Variants in C6orf89 observed in about 807,000 individuals in gnomAD.
The protein encoded by C6orf89 is chromosome 6 open reading frame 89, also known as bombesin receptor-activated protein C6orf89.
Under a neutral mutation model 40.7 loss-of-function variants are expected in C6orf89, and 29 were observed. That is an observed-to-expected ratio of 0.71 (90% CI 0.53 to 0.97). The LOEUF (loss-of-function observed/expected upper bound fraction) is 0.97, where lower values mean the gene tolerates loss of function less well. Ranked by LOEUF, C6orf89 falls within the 50% of genes least tolerant of loss-of-function variation. The pLI is 0.00. For synonymous variants in C6orf89, 165 were observed against 152.2 expected, an observed-to-expected ratio of 1.08 and a Z score of -0.62; for missense variants, 392 against 429.1, an observed-to-expected ratio of 0.91 and a Z score of 0.76.
intron 4 of C6orf89, among the ~76,000 whole-genome samples, chr6:36,908,641 A>G (rs929390080): frequency 2.0e-5 from 3 of 152,186 alleles, no homozygotes; most frequent in South Asian, 2.1e-4. Flanking sequence ...TCTCATATAC[A>G]TATTTTTGGC....
chr6:36,922,038 G>T (rs1762528368), intron 8 of C6orf89, among the ~76,000 whole-genome samples: 1 of 151,790 alleles, frequency 6.6e-6, no homozygotes, highest in South Asian at 2.1e-4. Flanking sequence ...TAAAATCACT[G>T]AATTAAAAAT....
At chr6:36,899,314 G>A (rs1015003092) in intron 2 of C6orf89, 112 bp from the exon 3 acceptor site, 3 of 825,762 alleles carry the variant, frequency 3.6e-6, no homozygotes, top group African/African-American at 1.7e-5. Flanking sequence ...GTAGAGGATT[G>A]AGGAAAGCAC....
In C6orf89 at chr6:36,874,787, C is replaced by T. The variant is rs1423209223; in HGVS notation, c.-628+2820C>T. 4 of 1,613,800 alleles carry T rather than the reference C, an allele frequency of 2.5e-6. No individual in the cohort carries two copies. In the African/African-American group the frequency reaches 5.3e-5, roughly 22 times the overall value. On this transcript the variant is annotated intron_variant, in intron 1 of 9. Coordinates refer to the C6orf89 transcript ENST00000359359. ...ATTGCCGCCATAGCGAAGCCGGCGG[C>T]GGAATGCTTGTCTAGTAATTGCTAC...
chr6:36,919,810 C>A (rs527629675), intron 8 of C6orf89, 109 bp downstream of exon 8: 2 of 1,131,360 alleles, frequency 1.8e-6, no homozygotes, highest in South Asian at 3.9e-5. Context: ...TTAGTAGAAT[C>A]AAAAATAACA....
chr6:36,879,952 C>T (rs1170793148), intron 2 of C6orf89, among the ~76,000 whole-genome samples: 1 of 152,216 alleles, frequency 6.6e-6, no homozygotes, highest in East Asian at 1.9e-4. Context: ...CTGGGAAGGG[C>T]AGTAGACTGC....
At chr6:36,911,460 A>C (rs1354159288) in intron 4 of C6orf89, among the ~76,000 whole-genome samples, 2 of 152,152 alleles carry the variant, frequency 1.3e-5, no homozygotes, top group African/African-American at 4.8e-5. Context: ...ACTGCACTCC[A>C]GCCTGGGCGA....
chr6:36,927,248 A>G lies in C6orf89; in HGVS notation c.*3807A>G, dbSNP rs1762712302. The G allele has an allele frequency of 6.6e-6, 1 of 152,234 alleles. No individual in the cohort carries two copies. The highest frequency in any genetic ancestry group is 1.5e-5 in the Non-Finnish European group (1 of 68,042). The allele number at this position is 152,234 out of a possible 1,614,324, so 9.4% of individuals were successfully genotyped here. ...TCTACCAAAACCCAGCATAGGACTC[A>G]GTGTACACTTACTTTAAAACAAAAA... On this transcript the variant is annotated 3_prime_UTR_variant, in exon 9 of 9. Coordinates refer to ENST00000480824, the MANE Select transcript of C6orf89 (RefSeq NM_001286635.2).
intron 4 of C6orf89, among the ~76,000 whole-genome samples, chr6:36,907,225 T>C (rs1243039577): frequency 6.6e-6 from 1 of 152,268 alleles, no homozygotes; most frequent in Non-Finnish European, 1.5e-5. Flanking sequence ...TTCTTTTCTT[T>C]CTTCCCTATC....
chr6:36,910,087 C>A (rs1762072284), intron 4 of C6orf89, among the ~76,000 whole-genome samples: 1 of 151,590 alleles, frequency 6.6e-6, no homozygotes, highest in Non-Finnish European at 1.5e-5. Flanking sequence ...GGTGAGAACT[C>A]ATGAATATAT....
At position 36,894,979 on chromosome 6, in the gene C6orf89, G is replaced by C. The variant is rs776419947; in HGVS notation, c.-20+376G>C. Among the ~76,000 whole-genome samples, 50 of 152,066 alleles carry C rather than the reference G, an allele frequency of 3.3e-4. 1 individual carries two copies. The highest frequency in any genetic ancestry group is 5.0e-4 in the Non-Finnish European group (34 of 68,000). On this transcript the variant is annotated intron_variant, in intron 2 of 8. Coordinates refer to ENST00000480824, the MANE Select transcript of C6orf89 (RefSeq NM_001286635.2). ...TAATTTAACCGAAATCATCTCACTA[G>C]CAATTGGCAAAGCTTGTCTCCAGGT...
intron 1 of C6orf89, among the ~76,000 whole-genome samples, chr6:36,878,837 T>C (rs1387713960): frequency 6.6e-6 from 1 of 152,254 alleles, no homozygotes; most frequent in Non-Finnish European, 1.5e-5. Context: ...CCTCACTTCC[T>C]ATTGCTGTAC....
At chr6:36,896,767 C>T (rs138004184) in intron 2 of C6orf89, among the ~76,000 whole-genome samples, 1,659 of 152,112 alleles carry the variant, frequency 0.011, 26 homozygotes, top group African/African-American at 0.034. Flanking sequence ...GTGTTTTCTT[C>T]GAAGTTTTAT....
chr6:36,879,821 C>T (rs1190718984), intron 2 of C6orf89, among the ~76,000 whole-genome samples: 3 of 152,072 alleles, frequency 2.0e-5, no homozygotes, highest in Non-Finnish European at 4.4e-5. Flanking sequence ...GCAGTACTTT[C>T]TCTTGGTCTC....
chr6:36,922,882 C>G (rs967524110), intron 8 of C6orf89, among the ~76,000 whole-genome samples: 14 of 152,168 alleles, frequency 9.2e-5, no homozygotes, highest in African/African-American at 3.4e-4. Context: ...AGACTTGATG[C>G]CCAACAGCAG....
chr6:36,887,764 G>A (rs916483382), intron 1 of C6orf89, among the ~76,000 whole-genome samples: 6 of 152,132 alleles, frequency 3.9e-5, no homozygotes, highest in African/African-American at 1.4e-4. Flanking sequence ...CATCACCCAG[G>A]TTGGAGTACA....
At chr6:36,915,677 G>A (rs1184207035) in intron 6 of C6orf89, among the ~76,000 whole-genome samples, 1 of 151,560 alleles carries the variant, frequency 6.6e-6, no homozygotes, top group African/African-American at 2.4e-5. Flanking sequence ...CTGCACTCCA[G>A]CCTGGGCGAC....
chr6:36,903,239 G>T (rs1374092282), intron 4 of C6orf89, among the ~76,000 whole-genome samples: 1 of 152,002 alleles, frequency 6.6e-6, no homozygotes, highest in Non-Finnish European at 1.5e-5. Context: ...GTGTGTGTGT[G>T]TGTGTGTAAA....
intron 1 of C6orf89, among the ~76,000 whole-genome samples, chr6:36,886,488 T>A (rs1037918833): frequency 6.6e-6 from 1 of 152,208 alleles, no homozygotes; most frequent in Non-Finnish European, 1.5e-5. Flanking sequence ...AAACCTGGCA[T>A]CTTGGATTTC....
intron 1 of C6orf89, among the ~76,000 whole-genome samples, chr6:36,873,478 G>A (rs1774563545): frequency 6.6e-6 from 1 of 152,098 alleles, no homozygotes; most frequent in African/African-American, 2.4e-5. Flanking sequence ...CATGAGAGAG[G>A]TTTATATGTA....
Sources: allele counts gnomAD v4.1 joint callset (sites outside exome capture counted in the v4.1 genomes callset), GRCh38; gene constraint gnomAD v4.1.1; transcripts MANE v1.5; gene names NCBI Gene and HGNC (gene_info 2026-07-23, HGNC 2026-07-21).